The following ELMO3 variants were observed in gnomAD, a reference collection of about 807,000 sequenced individuals.
ELMO3 encodes the protein engulfment and cell motility protein 3.
ELMO3 carries 81 observed loss-of-function variants against 89.0 expected under a neutral mutation model. The ratio of observed to expected loss-of-function variants is 0.91; its 90% CI spans 0.76 to 1.09. ELMO3 has a LOEUF of 1.09. Among genes scored for constraint, ELMO3 ranks in the 50% least tolerant of loss-of-function variants. The pLI is 0.00. For missense variants in ELMO3, 959 were observed against 972.8 expected (o/e 0.99, Z 0.19); for synonymous variants, 406 against 400.6 (o/e 1.01, Z -0.16).
Position 67,201,529 on chromosome 16 carries a change from C to T in ELMO3, c.805C>T (p.His269Tyr). 1 of 1,614,072 alleles carries T rather than the reference C, an allele frequency of 6.2e-7. No individual in the cohort carries two copies. Among genetic ancestry groups the T allele is most frequent in the East Asian group, 2.2e-5 (1 of 44,878 alleles). The change falls in exon 10 of 20, where the codon CAC becomes TAC. Residue 269 changes from histidine to tyrosine, a missense_variant. Transcript: ENST00000393997. ...LRQFIYKNII[H>Y]SAAPMGDEMA... is the part of the protein sequence containing the mutation. Reference sequence around the variant, plus strand: ...ACTGGCTGTCCTGCAGAACATCATCCACAGTGCAGCACCAATGGGCGACGA... The same window carrying T: ...ACTGGCTGTCCTGCAGAACATCATCTACAGTGCAGCACCAATGGGCGACGA...
intron 1 of ELMO3, 72 bp downstream of exon 1, chr16:67,199,476 G>GGCCCCCCCCCCCCCCCCC: frequency 1.3e-6 from 2 of 1,503,552 alleles, no homozygotes; most frequent in Non-Finnish European, 1.8e-6. Flanking sequence ...CCTCGGGGCA[G>GGCCCCCCCCCCCCCCCCC]CCCGCCCCAC....
chr16:67,201,788 TGGAGGGG>T lies in ELMO3; in HGVS notation c.967_973del (p.Glu323SerfsTer7), dbSNP rs765003559. On this transcript the variant is annotated frameshift_variant, in exon 11 of 20. Transcript: ENST00000393997. LOFTEE classifies it high-confidence loss of function. The stretch of plus-strand genomic sequence containing the variant: ...GTCCTACGCCAGGCTGCCTTCGAGG[TGGAGGGG>T]GAGTCCTCGGGTGCCGGGCTAAGTG... The T allele has an allele frequency of 5.0e-6, 8 of 1,611,748 alleles. No homozygotes were observed.
intron 1 of ELMO3, 57 bp downstream of exon 1, chr16:67,199,461 C>G (rs2033043882): frequency 6.3e-7 from 1 of 1,593,668 alleles, no homozygotes; most frequent in African/African-American, 1.3e-5. Context: ...CGGTAGCCCC[C>G]TGGCCCTCGG....
intron 6 of ELMO3, 32 bp downstream of exon 6, chr16:67,200,582 GGCAGTGGA>G: frequency 1.2e-6 from 2 of 1,613,250 alleles, no homozygotes; most frequent in Non-Finnish European, 1.7e-6. Context: ...AGCGGGTGGG[GGCAGTGGA>G]GCAGTGGGGC....
At chr16:67,199,476 G>GGCCCCCCCC in intron 1 of ELMO3, 72 bp downstream of exon 1, 5 of 1,503,544 alleles carry the variant, frequency 3.3e-6, no homozygotes, top group Non-Finnish European at 4.5e-6. Flanking sequence ...CCTCGGGGCA[G>GGCCCCCCCC]CCCGCCCCAC....
rs763697306 is a variant in ELMO3, at chr16:67,202,151, C to T, written c.1153-25C>T. The T allele has an allele frequency of 8.1e-6, 13 of 1,601,436 alleles. No individual in the cohort carries two copies. The Admixed American group carries it at 2.2e-4, about 27-fold the overall frequency. Reference sequence around the variant, plus strand: ...GTCCCCATGGGCTTAGCTGTGACTCCTTGCCCCATTCTCTGCGCCCCCAGT... The same window carrying T: ...GTCCCCATGGGCTTAGCTGTGACTCTTTGCCCCATTCTCTGCGCCCCCAGT... On this transcript the variant is annotated intron_variant, in intron 12 of 19. Transcript: ENST00000393997.
chr16:67,201,440 G>A lies in ELMO3; in HGVS notation c.795+5G>A. ...CTTCGCCAGTTCATCTATAAGGTAG[G>A]AAGTGGTGGGCCAGGGGGACCTCTC... On this transcript the variant is annotated splice_donor_5th_base_variant and intron_variant, in intron 9 of 19. Coordinates refer to ENST00000393997, the MANE Select transcript of ELMO3 (RefSeq NM_024712.5). 1.2e-6 allele frequency: 2 copies of A among 1,614,016 alleles called. No homozygotes were observed. Among genetic ancestry groups the A allele is most frequent in the South Asian group, 1.1e-5 (1 of 91,082 alleles).
Position 67,199,699 on chromosome 16 carries a change from C to T in ELMO3, c.135C>T (p.His45=), listed in dbSNP as rs2033052654. The change falls in exon 3 of 20, where the codon CAC becomes CAT. Residue 45 remains histidine (H), a synonymous_variant. Transcript: ENST00000393997. ...KEVCDAWSLT[H]SERYALQFAD... ...TGCCCCTCAGGTGGAGCCTGACGCA[C>T]TCTGAGCGTTACGCCCTGCAGTTTG... 1 of 1,610,866 alleles carries T rather than the reference C, an allele frequency of 6.2e-7. No individual in the cohort carries two copies. Among genetic ancestry groups the T allele is most frequent in the Admixed American group, 1.7e-5 (1 of 59,964 alleles).
intron 11 of ELMO3, 24 bp from the exon 12 acceptor site, chr16:67,201,953 A>G (rs2033122875): frequency 6.2e-7 from 1 of 1,610,546 alleles, no homozygotes; most frequent in Admixed American, 1.7e-5. Context: ...CCCTTCTTGA[A>G]CTGCCTGTGC....
chr16:67,199,476 G>GGCCCCCCCCCCC, intron 1 of ELMO3, 72 bp downstream of exon 1: 10 of 1,503,516 alleles, frequency 6.7e-6, no homozygotes, highest in Non-Finnish European at 9.0e-6. Context: ...CCTCGGGGCA[G>GGCCCCCCCCCCC]CCCGCCCCAC....
chr16:67,201,724 A>C lies in ELMO3; in HGVS notation c.919-18A>C, dbSNP rs748145779. 1 of 1,608,412 alleles carries C rather than the reference A, an allele frequency of 6.2e-7. No individual in the cohort carries two copies. The highest frequency in any genetic ancestry group is 8.5e-7 in the Non-Finnish European group (1 of 1,179,966). ...TATAATCTTGATCCCCTCCCCCGCC[A>C]CCCAACACTGACCCCAGGAGCAGCG... is the stretch of plus-strand genomic sequence containing the variant. On this transcript the variant is annotated intron_variant, in intron 10 of 19. Transcript: ENST00000393997.
rs1555555175 is a variant in ELMO3, at chr16:67,202,044, A to G, written c.1118A>G (p.Tyr373Cys). Reference sequence around the variant, plus strand: ...CTGCTGGCCCTGGACAACATGTTGTACTTCTCCAGAAACGCGCCCAGCGCG... The same window carrying G: ...CTGCTGGCCCTGGACAACATGTTGTGCTTCTCCAGAAACGCGCCCAGCGCG... Reference protein sequence around the residue: ...PGLLALDNMLYFSRNAPSAYS... With the variant: ...PGLLALDNMLCFSRNAPSAYS... The change falls in exon 12 of 20, where the codon TAC becomes TGC. Residue 373 changes from tyrosine to cysteine, a missense_variant. Transcript: ENST00000393997. The G allele has an allele frequency of 3.1e-6, 5 of 1,613,118 alleles. No homozygotes were observed. Among genetic ancestry groups the G allele is most frequent in the Non-Finnish European group, 4.2e-6 (5 of 1,179,944 alleles).
In ELMO3 at chr16:67,200,922, C is replaced by T; in HGVS notation, c.698C>T (p.Ala233Val). The change falls in exon 8 of 20, where the codon GCC (alanine) becomes GTC (valine). Residue 233 changes from alanine (A) to valine (V), a missense_variant. By Grantham distance (64) the Ala-to-Val change is moderately conservative. Transcript: ENST00000393997. ...MNQQLQTKAM[A>V]LLTALLQGAS... ...CAGCAGCTGCAAACCAAGGCCATGGCCCTGCTGACAGCCTTGCTGCAGGGG... is the reference window on the plus strand; with the variant it reads ...CAGCAGCTGCAAACCAAGGCCATGGTCCTGCTGACAGCCTTGCTGCAGGGG... 6.2e-7 allele frequency: 1 copy of T among 1,612,960 alleles called. No individual in the cohort carries two copies. The highest frequency in any genetic ancestry group is 2.2e-5 in the East Asian group (1 of 44,874).
rs1355186406 is a variant in ELMO3 at position 67,199,392 on chromosome 16, C to G, written c.66C>G (p.Ile22Met). ...TGCGTGACGCCATCCCGCAGCTCAT[C>G]CAGCTGGACCAGGTCACCCGGCTGG... ...IKMRDAIPQLIQLDQAKPLAA... is the reference protein window; with the variant it reads ...IKMRDAIPQLMQLDQAKPLAA... The change falls in exon 1 of 20, where the codon ATC (isoleucine) becomes ATG (methionine). Residue 22 changes from isoleucine (I) to methionine (M), a missense_variant. Transcript: ENST00000393997. The G allele has an allele frequency of 6.2e-7, 1 of 1,607,426 alleles. No individual in the cohort carries two copies. Among genetic ancestry groups the G allele is most frequent in the African/African-American group, 1.3e-5 (1 of 75,022 alleles).
intron 8 of ELMO3, 81 bp downstream of exon 8, chr16:67,201,049 CT>C (rs797015351): frequency 0.13 from 137,078 of 1,045,902 alleles, 1 homozygote; most frequent in East Asian, 0.16. Context: ...CTAAGCCCCC[CT>C]TTTTTTTTTT....
Position 67,203,188 on chromosome 16 carries a change from C to G in ELMO3, c.1745C>G (p.Ala582Gly). 2 of 1,611,080 alleles carry G rather than the reference C, an allele frequency of 1.2e-6. No individual in the cohort carries two copies. The highest frequency in any genetic ancestry group is 1.7e-6 in the Non-Finnish European group (2 of 1,179,780). The change falls in exon 17 of 20, where the codon GCC (alanine) becomes GGC (glycine). Residue 582 changes from alanine to glycine, a missense_variant. Ala to Gly is a moderately conservative substitution (Grantham distance 60, BLOSUM62 0). Coordinates refer to ENST00000393997, the MANE Select transcript of ELMO3 (RefSeq NM_024712.5). The surrounding 1 kb of genome is among the most constrained non-coding windows in gnomAD (Gnocchi z 4.6). ...LLQYGDMEEG[A>G]SPPTLESLPE... is the part of the protein sequence containing the mutation. ...CAGTACGGAGACATGGAGGAGGGCG[C>G]CAGCCCGCCTACCCTGGAGAGTCTG... is the stretch of plus-strand genomic sequence containing the variant.
At chr16:67,199,476 G>GGGCCCCCCCCCCCCCCCCCCCC in intron 1 of ELMO3, 72 bp downstream of exon 1, 7 of 1,503,554 alleles carry the variant, frequency 4.7e-6, no homozygotes, top group Non-Finnish European at 6.3e-6. Flanking sequence ...CCTCGGGGCA[G>GGGCCCCCCCCCCCCCCCCCCCC]CCCGCCCCAC....
In ELMO3 at chr16:67,202,199, C is replaced by G; in HGVS notation, c.1176C>G (p.Arg392=). 1.9e-6 allele frequency: 3 copies of G among 1,603,226 alleles called. No homozygotes were observed. The highest frequency in any genetic ancestry group is 2.6e-6 in the Non-Finnish European group (3 of 1,172,970). Residue 392 remains arginine (R), a synonymous_variant, in exon 13 of 20, where the codon CGC becomes CGG. Coordinates refer to ENST00000393997, the MANE Select transcript of ELMO3 (RefSeq NM_024712.5). ...YSRFVLENSS[R]EDKHECPFAR... ...AGTTTGTGTTGGAGAACAGCAGCCG[C>G]GAGGACAAGCACGAGTGCCCCTTTG...
chr16:67,200,440 C>T lies in ELMO3; in HGVS notation c.414-11C>T. 6.2e-7 allele frequency: 1 copy of T among 1,611,586 alleles called. No homozygotes were observed. The highest frequency in any genetic ancestry group is 8.5e-7 in the Non-Finnish European group (1 of 1,178,324). ...GGTGGTCCTGCTCAGCCCCAGATGT[C>T]CCCCCTCCAGCCTAGGAGAGGTGCT... On this transcript the variant is annotated splice_polypyrimidine_tract_variant and intron_variant, in intron 5 of 19. Coordinates refer to ENST00000393997, the MANE Select transcript of ELMO3 (RefSeq NM_024712.5).
Sources: allele counts gnomAD v4.1 joint callset, GRCh38; gene constraint gnomAD v4.1.1; non-coding constraint Gnocchi (gnomAD v3.1); transcripts MANE v1.5; gene names NCBI Gene and HGNC (gene_info 2026-07-23, HGNC 2026-07-21).